DYNC1I1: variants seen among roughly 807,000 people sequenced by gnomAD.
DYNC1I1 encodes the protein dynein cytoplasmic 1 intermediate chain 1, also known as cytoplasmic dynein 1 intermediate chain 1.
A neutral mutation model predicts 86.6 loss-of-function variants in DYNC1I1; 43 were observed. That is an observed-to-expected ratio of 0.50 (90% CI 0.39 to 0.64). The LOEUF is 0.64. Among genes scored for constraint, DYNC1I1 ranks in the 30% least tolerant of loss-of-function variants. The pLI is 0.00. For synonymous variants in DYNC1I1, 262 were observed against 283.7 expected, an observed-to-expected ratio of 0.92 and a Z score of 0.77; for missense variants, 604 against 788.8, an observed-to-expected ratio of 0.77 and a Z score of 2.81.
At chr7:95,963,220 A>G (rs1792919797) in intron 6 of DYNC1I1, among the ~76,000 whole-genome samples, 1 of 152,072 alleles carries the variant, frequency 6.6e-6, no homozygotes, top group African/African-American at 2.4e-5. Flanking sequence ...CCCTTGTCCT[A>G]TCTCCACCAC....
chr7:95,829,546 G>C (rs997922908), intron 5 of DYNC1I1, among the ~76,000 whole-genome samples: 1 of 152,094 alleles, frequency 6.6e-6, no homozygotes, highest in Non-Finnish European at 1.5e-5. Flanking sequence ...AAACAGGCAG[G>C]GGAAAGAACT....
chr7:95,803,855 A>G (rs1388125386), intron 1 of DYNC1I1, among the ~76,000 whole-genome samples: 8 of 152,194 alleles, frequency 5.3e-5, no homozygotes, highest in African/African-American at 1.9e-4. Flanking sequence ...ATATATAATC[A>G]TTGGTAATTA....
chr7:96,042,904 G>T (rs1050506880), intron 14 of DYNC1I1, among the ~76,000 whole-genome samples: 1 of 152,138 alleles, frequency 6.6e-6, no homozygotes, highest in Non-Finnish European at 1.5e-5. Flanking sequence ...GCTCACACCT[G>T]TGATCCCAGC....
intron 5 of DYNC1I1, among the ~76,000 whole-genome samples, chr7:95,850,893 G>T (rs757586977): frequency 6.6e-5 from 10 of 152,108 alleles, no homozygotes; most frequent in Non-Finnish European, 1.3e-4. Context: ...GTGCTTTGGG[G>T]CCATTATTAA....
In DYNC1I1 at chr7:96,072,689, T is replaced by C. The variant is rs180772928; in HGVS notation, c.1510-3368T>C. 1.6e-3 allele frequency among the ~76,000 whole-genome samples: 240 copies of C among 152,314 alleles called. 2 individuals carry two copies. Among genetic ancestry groups the C allele is most frequent in the African/African-American group, 5.5e-3 (227 of 41,560 alleles). ...TGAGTGGTAAAGCACAAGCAAGCTATAACATGTTTGTGGATCCAGAAATTT... is the reference window on the plus strand; with the variant it reads ...TGAGTGGTAAAGCACAAGCAAGCTACAACATGTTTGTGGATCCAGAAATTT... On this transcript the variant is annotated intron_variant, in intron 14 of 16. Coordinates refer to ENST00000447467, the MANE Select transcript of DYNC1I1 (RefSeq NM_001135556.2).
At chr7:95,828,533 T>C (rs1400342419) in intron 5 of DYNC1I1, among the ~76,000 whole-genome samples, 1 of 152,130 alleles carries the variant, frequency 6.6e-6, no homozygotes, top group Non-Finnish European at 1.5e-5. Flanking sequence ...GTTTCTTTAC[T>C]TTTCTTTTCA....
intron 16 of DYNC1I1, among the ~76,000 whole-genome samples, chr7:96,087,221 G>T (rs775157404): frequency 2.0e-5 from 3 of 152,182 alleles, no homozygotes; most frequent in African/African-American, 4.8e-5. Context: ...CCTTGAGGAA[G>T]TGGGCATACG....
At position 95,995,991 on chromosome 7, in the gene DYNC1I1, C is replaced by A. The variant is rs1793857939; in HGVS notation, c.887C>A (p.Ala296Asp). The change falls in exon 10 of 17, where the codon GCT (alanine) becomes GAT (aspartate). Residue 296 changes from alanine to aspartate, a missense_variant. Coordinates refer to ENST00000447467, the MANE Select transcript of DYNC1I1 (RefSeq NM_001135556.2). ...MVASYNNNEDAPHEPDGVALV... is the reference protein window; with the variant it reads ...MVASYNNNEDDPHEPDGVALV... ...GCTTCTTACAACAACAATGAAGATG[C>A]TCCCCATGAACCAGATGGAGTGGCC... 6.2e-7 allele frequency: 1 copy of A among 1,610,968 alleles called. No individual in the cohort carries two copies. The highest frequency in any genetic ancestry group is 1.7e-5 in the Admixed American group (1 of 59,242).
chr7:96,039,353 C>T lies in DYNC1I1; in HGVS notation c.1441C>T (p.Pro481Ser). 6.2e-7 allele frequency: 1 copy of T among 1,614,086 alleles called. No individual in the cohort carries two copies. Among genetic ancestry groups the T allele is most frequent in the Non-Finnish European group, 8.5e-7 (1 of 1,179,968 alleles). The change falls in exon 14 of 17, where the codon CCA (proline) becomes TCA (serine). Residue 481 changes from proline (P) to serine (S), a missense_variant. By Grantham distance (74) the Pro-to-Ser change is moderately conservative (BLOSUM62 -1). Coordinates refer to ENST00000447467, the MANE Select transcript of DYNC1I1 (RefSeq NM_001135556.2). ...TGINCHMAVG[P>S]IDFSHLFVTS... is the part of the protein sequence containing the mutation. ...AATTAACTGCCACATGGCAGTGGGC[C>T]CAATCGACTTTTCTCACCTGTTTGT...
intron 14 of DYNC1I1, among the ~76,000 whole-genome samples, chr7:96,062,744 C>G (rs1453617166): frequency 6.6e-6 from 1 of 152,174 alleles, no homozygotes; most frequent in African/African-American, 2.4e-5. Flanking sequence ...AACTCACTCC[C>G]CATCTCACCC....
Position 96,076,061 on chromosome 7 carries a change from A to G in DYNC1I1, c.1514A>G (p.Asn505Ser). The G allele has an allele frequency of 6.2e-7, 1 of 1,613,646 alleles. No individual in the cohort carries two copies. Among genetic ancestry groups the G allele is most frequent in the Non-Finnish European group, 8.5e-7 (1 of 1,179,654 alleles). Residue 505 changes from asparagine to serine, a missense_variant, in exon 15 of 17, where the codon AAC becomes AGC. Coordinates refer to ENST00000447467, the MANE Select transcript of DYNC1I1 (RefSeq NM_001135556.2). The part of the protein sequence containing the change: ...WTVKLWTTKH[N>S]KPLYSFEDNA... ...CACGGTCTCTCTGCTTTACAGCACA[A>G]CAAGCCGCTCTACTCCTTTGAAGAC...
At chr7:95,773,274 T>A (rs968912340) in intron 1 of DYNC1I1, among the ~76,000 whole-genome samples, 1 of 152,204 alleles carries the variant, frequency 6.6e-6, no homozygotes, top group African/African-American at 2.4e-5. Context: ...AGGGAGCGAA[T>A]TCACTTCCAG....
intron 6 of DYNC1I1, among the ~76,000 whole-genome samples, chr7:95,922,728 G>T (rs1345833428): frequency 6.6e-6 from 1 of 152,022 alleles, no homozygotes; most frequent in Non-Finnish European, 1.5e-5. Context: ...AGGAAAAGCA[G>T]CAGCCCCCGG....
intron 15 of DYNC1I1, among the ~76,000 whole-genome samples, chr7:96,080,062 T>C (rs1257499032): frequency 6.6e-6 from 1 of 152,174 alleles, no homozygotes; most frequent in Non-Finnish European, 1.5e-5. Context: ...GTATTTTTTG[T>C]TGGATGTACA....
chr7:95,802,752 A>G (rs1794611390), intron 1 of DYNC1I1: 1 of 152,208 alleles, frequency 6.6e-6, no homozygotes, highest in Non-Finnish European at 1.5e-5. Context: ...CTTGGCGTCA[A>G]GCTGTCCTCC....
At chr7:95,876,489 T>G (rs1372116546) in intron 6 of DYNC1I1, among the ~76,000 whole-genome samples, 1 of 152,210 alleles carries the variant, frequency 6.6e-6, no homozygotes, top group Non-Finnish European at 1.5e-5. Context: ...GAGTTTTACC[T>G]TAGCTGTTTT....
At chr7:95,773,508 T>A (rs534846077) in intron 1 of DYNC1I1, among the ~76,000 whole-genome samples, 62 of 152,256 alleles carry the variant, frequency 4.1e-4, no homozygotes, top group African/African-American at 1.5e-3. Context: ...GGGAGTCTCA[T>A]GACTTGTACC....
chr7:95,967,295 G>T (rs1793040746), intron 6 of DYNC1I1, among the ~76,000 whole-genome samples: 2 of 152,150 alleles, frequency 1.3e-5, no homozygotes, highest in Non-Finnish European at 2.9e-5. Flanking sequence ...TGCTATGAGA[G>T]GTTAAAGGAA....
intron 16 of DYNC1I1, among the ~76,000 whole-genome samples, chr7:96,085,661 T>G (rs1009210854): frequency 6.6e-6 from 1 of 152,216 alleles, no homozygotes; most frequent in Admixed American, 6.5e-5. Context: ...AGAAGACCCC[T>G]TTTTATTATT....
Sources: allele counts gnomAD v4.1 joint callset (sites outside exome capture counted in the v4.1 genomes callset), GRCh38; gene constraint gnomAD v4.1.1; transcripts MANE v1.5; gene names NCBI Gene and HGNC (gene_info 2026-07-23, HGNC 2026-07-21).